The following C12orf56 variants were observed in gnomAD, a reference collection of about 807,000 sequenced individuals.
C12orf56 encodes the protein chromosome 12 open reading frame 56, also known as uncharacterized protein C12orf56.
A neutral mutation model predicts 69.9 loss-of-function variants in C12orf56; 71 were observed. The ratio of observed to expected loss-of-function variants is 1.02; its 90% CI spans 0.84 to 1.24. The LOEUF (loss-of-function observed/expected upper bound fraction) is 1.24, where lower values mean the gene tolerates loss of function less well. Among genes scored for constraint, C12orf56 ranks in the 50% most tolerant of loss-of-function variants. The probability of loss-of-function intolerance (pLI) is 0.00; values close to 1 mark genes in which losing one functional copy is unlikely to be tolerated. For synonymous variants in C12orf56, 276 were observed against 274.1 expected (o/e 1.01, Z -0.07); for missense variants, 732 against 738.5 (o/e 0.99, Z 0.10).
chr12:64,351,929 A>G (rs1037392364), intron 2 of C12orf56, among the ~76,000 whole-genome samples: 7 of 151,856 alleles, frequency 4.6e-5, no homozygotes, highest in Non-Finnish European at 8.8e-5. Context: ...CACAGATAGG[A>G]AATTGTATCT....
chr12:64,329,290 T>C (rs2136861753), intron 3 of C12orf56, among the ~76,000 whole-genome samples: 1 of 152,148 alleles, frequency 6.6e-6, no homozygotes, highest in South Asian at 2.1e-4. Flanking sequence ...AACCACGTAG[T>C]TTCTCTTTCC....
rs575256936 is a variant in C12orf56, at chr12:64,324,606, C to T, written c.489-5626G>A. 7.9e-5 allele frequency among the ~76,000 whole-genome samples: 12 copies of T among 152,280 alleles called. No individual in the cohort carries two copies. The East Asian group carries it at 1.9e-3, about 24-fold the overall frequency. On this transcript the variant is annotated intron_variant, in intron 3 of 12. Coordinates refer to ENST00000543942, the MANE Select transcript of C12orf56 (RefSeq NM_001170633.2). ...AGAGAAGTAAGAGGTGAAGCTGGAG[C>T]GGTAGGCAACGGCCAGTTCTTGCTG...
rs551370692 is a variant in C12orf56, at chr12:64,294,720, G to A, written c.1114-8660C>T. 2.0e-5 allele frequency among the ~76,000 whole-genome samples: 3 copies of A among 152,226 alleles called. No individual in the cohort carries two copies. In the East Asian group the frequency reaches 5.8e-4, roughly 29 times the overall value. On this transcript the variant is annotated intron_variant, in intron 6 of 12. Transcript: ENST00000543942. ...GAAATGGAAAGTTGTTGCTTAATGG[G>A]TAGAGAGTTTCAGTTTTGTAAGATG...
chr12:64,364,316 TA>T (rs913899363), intron 1 of C12orf56, among the ~76,000 whole-genome samples: 12 of 149,198 alleles, frequency 8.0e-5, no homozygotes, highest in Admixed American at 2.0e-4. Context: ...TTCTTAAATT[TA>T]AAAAAAAAAG....
rs192895100 is a variant in C12orf56, at chr12:64,358,316, G to A, written c.253-5260C>T. 4.6e-3 allele frequency among the ~76,000 whole-genome samples: 691 copies of A among 151,728 alleles called. 9 individuals carry two copies. Among genetic ancestry groups the A allele is most frequent in the African/African-American group, 0.016 (655 of 41,338 alleles). Reference sequence around the variant, plus strand: ...ATACTAAAAATACAAAAATTAGCCAGGCGTGATGGCATGCGCCTGTAATCC... The same window carrying A: ...ATACTAAAAATACAAAAATTAGCCAAGCGTGATGGCATGCGCCTGTAATCC... On this transcript the variant is annotated intron_variant, in intron 1 of 12. Transcript: ENST00000543942.
chr12:64,358,987 A>G (rs1046491787), intron 1 of C12orf56, among the ~76,000 whole-genome samples: 4 of 152,164 alleles, frequency 2.6e-5, no homozygotes, highest in Admixed American at 6.5e-5. Flanking sequence ...ACTCCAAAAT[A>G]GGGCGCTTCA....
At chr12:64,387,797 G>A (rs12828334) in intron 1 of C12orf56, among the ~76,000 whole-genome samples, 1 of 151,984 alleles carries the variant, frequency 6.6e-6, no homozygotes, top group African/African-American at 2.4e-5. Flanking sequence ...GGGCAACAGA[G>A]CAAGGCCCTG....
chr12:64,310,009 C>CTT (rs77746502), intron 5 of C12orf56, among the ~76,000 whole-genome samples: 16 of 149,268 alleles, frequency 1.1e-4, no homozygotes, highest in East Asian at 3.9e-4. Context: ...TCCACTTCAC[C>CTT]TTTTTTTTTT....
chr12:64,363,146 T>A (rs1298842191), intron 1 of C12orf56, among the ~76,000 whole-genome samples: 1 of 152,122 alleles, frequency 6.6e-6, no homozygotes, highest in Non-Finnish European at 1.5e-5. Flanking sequence ...CTATTCAAGG[T>A]GGAATTGTTC....
chr12:64,305,271 CAGTT>C (rs1422759886), intron 5 of C12orf56, among the ~76,000 whole-genome samples: 8 of 152,140 alleles, frequency 5.3e-5, no homozygotes, highest in Admixed American at 2.6e-4. Flanking sequence ...TACCCCTACT[CAGTT>C]AGGTCATTAT....
At chr12:64,330,695 T>A (rs933263605) in intron 3 of C12orf56, among the ~76,000 whole-genome samples, 2 of 152,216 alleles carry the variant, frequency 1.3e-5, no homozygotes, top group Non-Finnish European at 2.9e-5. Flanking sequence ...CAGATGTCTT[T>A]GAATTTAATT....
At chr12:64,384,616 A>T (rs1396056305) in intron 1 of C12orf56, among the ~76,000 whole-genome samples, 1 of 152,198 alleles carries the variant, frequency 6.6e-6, no homozygotes, top group Non-Finnish European at 1.5e-5. Context: ...AGATATTCAC[A>T]AAAGGGGTGA....
In C12orf56 at chr12:64,275,121, G is replaced by A. The variant is rs894618542; in HGVS notation, c.1510-146C>T. 23 of 819,218 alleles carry A rather than the reference G, an allele frequency of 2.8e-5. No homozygotes were observed. In the African/African-American group the frequency reaches 3.8e-4, roughly 14 times the overall value. 50.7% of individuals were successfully genotyped at this position (819,218 alleles called of 1,614,324 possible). ...AAATAAACTAGATGAGCACTTAAGA[G>A]CAAAGTTCATATCATTGAAATCAAC... On this transcript the variant is annotated intron_variant, in intron 10 of 12. Coordinates refer to ENST00000543942, the MANE Select transcript of C12orf56 (RefSeq NM_001170633.2).
At chr12:64,367,108 T>C (rs1175858149) in intron 1 of C12orf56, among the ~76,000 whole-genome samples, 5 of 44,252 alleles carry the variant, frequency 1.1e-4, no homozygotes, top group African/African-American at 3.0e-4. Flanking sequence ...TTATATATTA[T>C]ATATAACATA....
At chr12:64,352,093 G>GTTTTT (rs1212922484) in intron 2 of C12orf56, among the ~76,000 whole-genome samples, 5 of 112,976 alleles carry the variant, frequency 4.4e-5, no homozygotes, top group African/African-American at 1.6e-4. Context: ...TTTTGTTTTT[G>GTTTTT]TTTTTGTTTT....
At chr12:64,311,542 G>A (rs1437721650) in intron 5 of C12orf56, among the ~76,000 whole-genome samples, 1 of 152,134 alleles carries the variant, frequency 6.6e-6, no homozygotes, top group African/African-American at 2.4e-5. Context: ...GCTGAGACTT[G>A]ATGAGTTGAA....
intron 3 of C12orf56, among the ~76,000 whole-genome samples, chr12:64,324,240 GA>G (rs2038809395): frequency 6.6e-6 from 1 of 152,206 alleles, no homozygotes; most frequent in African/African-American, 2.4e-5. Context: ...GCCAACACTA[GA>G]AATATATCAG....
intron 2 of C12orf56, chr12:64,338,310 C>T: frequency 1.9e-6 from 1 of 512,930 alleles, no homozygotes; most frequent in South Asian, 1.7e-5. Context: ...TATATCTCAA[C>T]TCCACCAGCT....
At chr12:64,363,437 G>A (rs1401569621) in intron 1 of C12orf56, among the ~76,000 whole-genome samples, 1 of 152,150 alleles carries the variant, frequency 6.6e-6, no homozygotes, top group Non-Finnish European at 1.5e-5. Flanking sequence ...CTTGAATCAG[G>A]ACTGGCCTTT....
Sources: allele counts gnomAD v4.1 joint callset (sites outside exome capture counted in the v4.1 genomes callset), GRCh38; gene constraint gnomAD v4.1.1; transcripts MANE v1.5; gene names NCBI Gene and HGNC (gene_info 2026-07-23, HGNC 2026-07-21).